The following MAMLD1 variants were observed in gnomAD, a reference collection of about 807,000 sequenced individuals.
MAMLD1 encodes the protein mastermind like domain containing 1.
In MAMLD1, 14 loss-of-function variants were observed where a neutral mutation model predicts 45.0. The observed-to-expected ratio is 0.31, with a 90% CI of 0.21 to 0.49. The LOEUF is 0.49. Among genes scored for constraint, MAMLD1 ranks in the 20% least tolerant of loss-of-function variants. The pLI is 0.99. For synonymous variants in MAMLD1, 254 were observed against 247.8 expected, an observed-to-expected ratio of 1.02 and a Z score of -0.24; for missense variants, 543 against 603.6, an observed-to-expected ratio of 0.90 and a Z score of 1.05.
chrX:150,470,286 A>G lies in MAMLD1; in HGVS notation c.713A>G (p.Glu238Gly), dbSNP rs782626959. Residue 238 changes from glutamate (E) to glycine (G), a missense_variant, in exon 4 of 8, where the codon GAG (glutamate) becomes GGG (glycine). Coordinates refer to ENST00000370401, the MANE Select transcript of MAMLD1 (RefSeq NM_005491.5). Reference sequence around the variant, plus strand: ...TTGGAGAGCCTGGCTTCCAGCAAGGAGTTTGCTTCTAGTTGCAGCCAAGTT... The same window carrying G: ...TTGGAGAGCCTGGCTTCCAGCAAGGGGTTTGCTTCTAGTTGCAGCCAAGTT... ...SHLESLASSK[E>G]FASSCSQVTG... 1.7e-6 allele frequency: 2 copies of G among 1,207,577 alleles called. No individual in the cohort carries two copies. The highest frequency in any genetic ancestry group is 3.5e-5 in the African/African-American group (2 of 57,111).
chrX:150,452,950 C>T (rs781856121), intron 2 of MAMLD1, among the ~76,000 whole-genome samples: 38 of 111,019 alleles, frequency 3.4e-4, no homozygotes, highest in African/African-American at 1.2e-3. Context: ...CACCTGAGAA[C>T]GGGCGCACAA....
At position 150,496,480 on chromosome X, in the gene MAMLD1, T is replaced by C. The variant is rs2037381791; in HGVS notation, c.2041-6794T>C. Among the ~76,000 whole-genome samples the C allele has an allele frequency of 5.3e-5, 6 of 112,258 alleles. No homozygotes were observed. The South Asian group carries it at 2.2e-3, about 42-fold the overall frequency. ...TTGAATGTTTCACTTAGTAAACATT[T>C]ACAGCGTTTCACTCAGTGCCTGGCA... On this transcript the variant is annotated intron_variant, in intron 5 of 7. Transcript: ENST00000370401.
chrX:150,494,985 C>T lies in MAMLD1; in HGVS notation c.2041-8289C>T, dbSNP rs782321020. On this transcript the variant is annotated intron_variant, in intron 5 of 7. Transcript: ENST00000370401. Reference sequence around the variant, plus strand: ...CTTTGGGAGACCAAGGTAGGCAGATCACCTGAGGTCAGGAGTTCAAGACCA... The same window carrying T: ...CTTTGGGAGACCAAGGTAGGCAGATTACCTGAGGTCAGGAGTTCAAGACCA... Among the ~76,000 whole-genome samples, 8 of 112,079 alleles carry T rather than the reference C, an allele frequency of 7.1e-5. No individual in the cohort carries two copies. The South Asian group carries it at 3.0e-3, about 41-fold the overall frequency.
intron 1 of MAMLD1, among the ~76,000 whole-genome samples, chrX:150,412,656 G>A (rs1557402867): frequency 7.3e-5 from 8 of 109,171 alleles, no homozygotes; most frequent in Admixed American, 5.9e-4. Flanking sequence ...TTATTTCCTC[G>A]CCCTCTCTTC....
rs150530521 is a variant in MAMLD1, at chrX:150,444,722, G to A, written c.-63-732G>A. On this transcript the variant is annotated intron_variant, in intron 1 of 7. Transcript: ENST00000370401. Reference sequence around the variant, plus strand: ...GTCCTTATATATTAATGTCTTAGTGGAGCTCTTATTTCATGTCTACATCAT... The same window carrying A: ...GTCCTTATATATTAATGTCTTAGTGAAGCTCTTATTTCATGTCTACATCAT... Among the ~76,000 whole-genome samples, 697 of 111,633 alleles carry A rather than the reference G, an allele frequency of 6.2e-3. 9 individuals are homozygous for A. Among genetic ancestry groups the A allele is most frequent in the African/African-American group, 0.022 (667 of 30,673 alleles).
chrX:150,414,404 T>C (rs1383134866), intron 1 of MAMLD1, among the ~76,000 whole-genome samples: 1 of 111,616 alleles, frequency 9.0e-6, no homozygotes, highest in Non-Finnish European at 1.9e-5. Flanking sequence ...AGCCCAGTTA[T>C]GTGATTGCGT....
chrX:150,369,737 T>G (rs1557400920), intron 1 of MAMLD1, among the ~76,000 whole-genome samples: 1 of 111,903 alleles, frequency 8.9e-6, no homozygotes, highest in Admixed American at 9.5e-5. Context: ...TTGCAGTTAT[T>G]TAGTGAAGGT....
At chrX:150,504,871 T>C in intron 6 of MAMLD1, 1 of 753,943 alleles carries the variant, frequency 1.3e-6, no homozygotes, top group Non-Finnish European at 1.6e-6. Context: ...AAATCCTCCC[T>C]GTCAACACAG....
chrX:150,403,046 A>G (rs1463667479), intron 1 of MAMLD1, among the ~76,000 whole-genome samples: 2 of 108,842 alleles, frequency 1.8e-5, no homozygotes, highest in African/African-American at 6.6e-5. Context: ...CATTGTGCAC[A>G]TGTACCCTAA....
At chrX:150,398,549 A>G (rs1415093042) in intron 1 of MAMLD1, among the ~76,000 whole-genome samples, 1 of 111,427 alleles carries the variant, frequency 9.0e-6, no homozygotes, top group Non-Finnish European at 1.9e-5. Flanking sequence ...GCTGTCAGTG[A>G]TAGTAATTAC....
Position 150,473,635 on chromosome X carries a change from C to CCCTG in MAMLD1, c.1918-44_1918-41dup, listed in dbSNP as rs782375857. 8 of 1,199,044 alleles carry CCCTG rather than the reference C, an allele frequency of 6.7e-6. No homozygotes were observed. The Admixed American group carries it at 1.7e-4, about 26-fold the overall frequency. On this transcript the variant is annotated intron_variant, in intron 4 of 7. Coordinates refer to ENST00000370401, the MANE Select transcript of MAMLD1 (RefSeq NM_005491.5). ...CACGGCAGGCCACCTGGGGCTCGGG[C>CCCTG]CCTGGTCTGCAGTTCAGGAGCACTT...
rs782479200 is a variant in MAMLD1 at position 150,389,116 on chromosome X, G to A, written c.-64+25586G>A. 2.7e-5 allele frequency among the ~76,000 whole-genome samples: 3 copies of A among 110,489 alleles called. No homozygotes were observed. The South Asian group carries it at 1.2e-3, about 43-fold the overall frequency. ...GGCTGAAGTGCAATGGCATGATCTCGGCTCACTGCAACCTCTGCCTCCAGG... is the reference window on the plus strand; with the variant it reads ...GGCTGAAGTGCAATGGCATGATCTCAGCTCACTGCAACCTCTGCCTCCAGG... On this transcript the variant is annotated intron_variant, in intron 1 of 7. Transcript: ENST00000370401.
In MAMLD1 at chrX:150,470,994, C is replaced by T. The variant is rs1267407295; in HGVS notation, c.1421C>T (p.Thr474Ile). The T allele has an allele frequency of 8.3e-7, 1 of 1,210,223 alleles. No individual in the cohort carries two copies. The highest frequency in any genetic ancestry group is 1.1e-6 in the Non-Finnish European group (1 of 895,319). The change falls in exon 4 of 8, where the codon ACC becomes ATC. Residue 474 changes from threonine (T) to isoleucine (I), a missense_variant. Thr to Ile is a moderately conservative substitution (Grantham distance 89). Transcript: ENST00000370401. ...CCAGGCTTGCCACAGCAGTCCTTCACCCCACAGTGTTCCCTGATCCGAAGC... is the reference window on the plus strand; with the variant it reads ...CCAGGCTTGCCACAGCAGTCCTTCATCCCACAGTGTTCCCTGATCCGAAGC... ...SSPGLPQQSF[T>I]PQCSLIRSLT...
chrX:150,422,846 T>C (rs2034565281), intron 1 of MAMLD1, among the ~76,000 whole-genome samples: 1 of 111,937 alleles, frequency 8.9e-6, no homozygotes, highest in South Asian at 3.7e-4. Context: ...CTCCATTGCC[T>C]GCATTGAAAA....
chrX:150,452,341 C>T (rs926214424), intron 2 of MAMLD1, among the ~76,000 whole-genome samples: 1 of 111,923 alleles, frequency 8.9e-6, no homozygotes. Flanking sequence ...TAGGAAACTA[C>T]CTGGCCTTCA....
Position 150,511,490 on chromosome X carries a change from C to T in MAMLD1, c.*45-514C>T, listed in dbSNP as rs782179337. On this transcript the variant is annotated intron_variant, in intron 7 of 7. Transcript: ENST00000370401. ...ATGAGACAAGAGGGGAACAAAGCAC[C>T]GTCTGCACTCACTCACCACACTCAC... is the stretch of plus-strand genomic sequence containing the variant. 4.5e-5 allele frequency among the ~76,000 whole-genome samples: 5 copies of T among 111,893 alleles called. No homozygotes were observed. The South Asian group carries it at 1.1e-3, about 25-fold the overall frequency.
chrX:150,456,509 C>T (rs184972107), intron 2 of MAMLD1, among the ~76,000 whole-genome samples: 51 of 111,522 alleles, frequency 4.6e-4, no homozygotes, highest in African/African-American at 1.4e-3. Context: ...TCTAGAAAAG[C>T]ACAACATCCT....
chrX:150,400,917 A>C (rs1349793165), intron 1 of MAMLD1, among the ~76,000 whole-genome samples: 19 of 108,992 alleles, frequency 1.7e-4, no homozygotes, highest in Middle Eastern at 4.7e-3. Context: ...GTCTAAAATT[A>C]TCTTTTTTGG....
chrX:150,361,979 C>T (rs1181694245), upstream of MAMLD1, among the ~76,000 whole-genome samples: 3 of 113,001 alleles, frequency 2.7e-5, no homozygotes, highest in Non-Finnish European at 5.6e-5. Context: ...CGAGCCTGGA[C>T]TCTGAGCTAA....
Sources: allele counts gnomAD v4.1 joint callset (sites outside exome capture counted in the v4.1 genomes callset), GRCh38; gene constraint gnomAD v4.1.1; transcripts MANE v1.5; gene names NCBI Gene and HGNC (gene_info 2026-07-23, HGNC 2026-07-21).